Variants in NF1 observed in about 807,000 individuals in gnomAD.
NF1 encodes neurofibromin 1.
In NF1, 122 loss-of-function variants were observed where a neutral mutation model predicts 325.7. The ratio of observed to expected loss-of-function variants is 0.37; its 90% CI spans 0.32 to 0.44. NF1 has a LOEUF of 0.44. NF1 is among the 20% of genes least tolerant of loss of function. The probability of loss-of-function intolerance (pLI) is 1.00; values close to 1 mark genes in which losing one functional copy is unlikely to be tolerated. For synonymous variants in NF1, 1,091 were observed against 1,186.0 expected (o/e 0.92, Z 1.65); for missense variants, 2,140 against 3,415.4 (o/e 0.63, Z 9.31).
chr17:31,301,609 T>G (rs1022399935), intron 36 of NF1, among the ~76,000 whole-genome samples: 1 of 152,208 alleles, frequency 6.6e-6, no homozygotes, highest in African/African-American at 2.4e-5. Context: ...AGAAGACTTA[T>G]GTGATATATG....
At chr17:31,261,525 T>A (rs2067685773) in intron 34 of NF1, among the ~76,000 whole-genome samples, 186 bp from the exon 35 acceptor site, 1 of 152,240 alleles carries the variant, frequency 6.6e-6, no homozygotes, top group East Asian at 1.9e-4. Flanking sequence ...GGAGTTTAAA[T>A]GACAGGGCAT....
rs1295187457 is a variant in NF1 at position 31,374,228 on chromosome 17, C to G, written c.*73C>G. Reference sequence around the variant, plus strand: ...CTAGTGACCCCTTCCCTGTCCTTGCCCTTTCCCCCCATGTTGTAATGCTGC... The same window carrying G: ...CTAGTGACCCCTTCCCTGTCCTTGCGCTTTCCCCCCATGTTGTAATGCTGC... On this transcript the variant is annotated 3_prime_UTR_variant, in exon 58 of 58. Coordinates refer to ENST00000358273, the MANE Select transcript of NF1 (RefSeq NM_001042492.3). 3.8e-6 allele frequency: 6 copies of G among 1,590,188 alleles called. No homozygotes were observed. The highest frequency in any genetic ancestry group is 1.7e-6 in the Non-Finnish European group (2 of 1,159,686).
intron 36 of NF1, chr17:31,304,435 A>T: frequency 6.2e-7 from 1 of 1,614,172 alleles, no homozygotes; most frequent in East Asian, 2.2e-5. Flanking sequence ...AAATGATTGT[A>T]TTATCTCAGA....
At chr17:31,151,562 G>A (rs927662957) in intron 1 of NF1, among the ~76,000 whole-genome samples, 2 of 152,094 alleles carry the variant, frequency 1.3e-5, no homozygotes, top group African/African-American at 2.4e-5. Context: ...CTCCATGGAC[G>A]GTGAAATCTG....
chr17:31,181,801 A>ATTTTTTTTTTTTTTTTTTTTTTTTTTTT lies in NF1; in HGVS notation c.730+32_730+33insTTTTTTTTTTTTTTTTTTTTTTTTTTTT. On this transcript the variant is annotated intron_variant, in intron 7 of 57. Transcript: ENST00000358273. ...GATATGGCTGGTAAGGATACGATTG[A>ATTTTTTTTTTTTTTTTTTTTTTTTTTTT]TTTTTTTTTTTTTTTTGTCTTTTAA... 2 of 1,218,592 alleles carry ATTTTTTTTTTTTTTTTTTTTTTTTTTTT rather than the reference A, an allele frequency of 1.6e-6. No individual in the cohort carries two copies. The highest frequency in any genetic ancestry group is 2.3e-6 in the Non-Finnish European group (2 of 853,106). 75.5% of individuals were successfully genotyped at this position (1,218,592 alleles called of 1,614,324 possible).
intron 2 of NF1, among the ~76,000 whole-genome samples, chr17:31,158,141 C>G (rs1286907998): frequency 6.6e-6 from 1 of 152,134 alleles, no homozygotes; most frequent in East Asian, 1.9e-4. Context: ...ACTTTTTACT[C>G]TTTTTAGCTT....
chr17:31,140,766 G>A (rs1208556265), intron 1 of NF1, among the ~76,000 whole-genome samples: 3 of 152,128 alleles, frequency 2.0e-5, no homozygotes, highest in Middle Eastern at 3.2e-3. Context: ...ACAATGGAAC[G>A]TTATTCAGCC....
chr17:31,300,840 A>G (rs1011109167), intron 36 of NF1, among the ~76,000 whole-genome samples: 2 of 152,138 alleles, frequency 1.3e-5, no homozygotes, highest in Non-Finnish European at 2.9e-5. Context: ...TTTATTGTCC[A>G]TCTGATAGGC....
At chr17:31,206,471 A>G (rs2066625606) in intron 12 of NF1, 100 bp downstream of exon 12, 3 of 1,354,086 alleles carry the variant, frequency 2.2e-6, no homozygotes, top group Non-Finnish European at 3.2e-6. Context: ...TAGAGAATTG[A>G]ATGGGTCCTT....
intron 36 of NF1, among the ~76,000 whole-genome samples, chr17:31,315,756 C>G (rs1043794300): frequency 2.0e-5 from 3 of 152,108 alleles, no homozygotes; most frequent in Non-Finnish European, 4.4e-5. Flanking sequence ...AATGTGTTAA[C>G]CCATGCACTG....
chr17:31,230,231 A>G lies in NF1; in HGVS notation c.2991-29A>G, dbSNP rs1567849734. Reference sequence around the variant, plus strand: ...CCTTCTCTTTTGTCTATATCTGATAATTTTTTTATTGTTTCTATGTCTATA... The same window carrying G: ...CCTTCTCTTTTGTCTATATCTGATAGTTTTTTTATTGTTTCTATGTCTATA... On this transcript the variant is annotated intron_variant, in intron 22 of 57. Transcript: ENST00000358273. 2.5e-6 allele frequency: 4 copies of G among 1,610,146 alleles called. No homozygotes were observed. In the South Asian group the frequency reaches 4.4e-5, roughly 18 times the overall value.
intron 1 of NF1, among the ~76,000 whole-genome samples, chr17:31,100,656 G>A (rs2143205698): frequency 6.6e-6 from 1 of 152,232 alleles, no homozygotes; most frequent in South Asian, 2.1e-4. Flanking sequence ...TGCAACGTCT[G>A]CCTCCTGGGT....
Position 31,327,621 on chromosome 17 carries a change from C to CA in NF1, c.5391_5392insA (p.Gln1798ThrfsTer21). 6.2e-7 allele frequency: 1 copy of CA among 1,614,132 alleles called. No homozygotes were observed. Among genetic ancestry groups the CA allele is most frequent in the Non-Finnish European group, 8.5e-7 (1 of 1,180,024 alleles). ...AAGAAATCTGCCTAGTAGATGAGAA[C>CA]CAGTTCACCTTAACCATTGCAAACC... On this transcript the variant is annotated frameshift_variant, in exon 38 of 58. Transcript: ENST00000358273. LOFTEE classifies it high-confidence loss of function.
intron 1 of NF1, among the ~76,000 whole-genome samples, chr17:31,101,339 C>T (rs1157491451): frequency 1.3e-5 from 2 of 152,092 alleles, no homozygotes; most frequent in Non-Finnish European, 2.9e-5. Flanking sequence ...TTCTGCTATT[C>T]AGTGCCTTTG....
intron 57 of NF1, chr17:31,361,081 CAAAAAAAAAAAA>C (rs60249232): frequency 1.9e-4 from 9 of 46,546 alleles, no homozygotes; most frequent in South Asian, 2.3e-3. Context: ...CATACTATAT[CAAAAAAAAAAAA>C]AAAAAAAAAA....
At chr17:31,151,227 A>G (rs1916921787) in intron 1 of NF1, among the ~76,000 whole-genome samples, 1 of 152,112 alleles carries the variant, frequency 6.6e-6, no homozygotes, top group Non-Finnish European at 1.5e-5. Context: ...CATGCTGTAC[A>G]GTTTTGTACC....
Position 31,235,904 on chromosome 17 carries a change from G to C in NF1, c.3871-14G>C, listed in dbSNP as rs371895592. 1 of 1,610,250 alleles carries C rather than the reference G, an allele frequency of 6.2e-7. No homozygotes were observed. The highest frequency in any genetic ancestry group is 8.5e-7 in the Non-Finnish European group (1 of 1,176,702). On this transcript the variant is annotated splice_polypyrimidine_tract_variant and intron_variant, in intron 28 of 57. Coordinates refer to ENST00000358273, the MANE Select transcript of NF1 (RefSeq NM_001042492.3). ...GAGCAGGTATAATAAACTCCTATTC[G>C]TGCATTTCTGTAGGTATATGGTGCT... is the stretch of plus-strand genomic sequence containing the variant.
intron 36 of NF1, chr17:31,304,954 A>G (rs1214378195): frequency 3.1e-6 from 5 of 1,614,056 alleles, no homozygotes; most frequent in South Asian, 1.1e-5. Flanking sequence ...AATGATGATT[A>G]TAGCTACCAA....
At chr17:31,140,976 T>A (rs1348732835) in intron 1 of NF1, among the ~76,000 whole-genome samples, 11 of 152,162 alleles carry the variant, frequency 7.2e-5, no homozygotes, top group Admixed American at 2.0e-4. Flanking sequence ...GTTATATAGA[T>A]AATAAAATAG....
Sources: allele counts gnomAD v4.1 joint callset (sites outside exome capture counted in the v4.1 genomes callset), GRCh38; gene constraint gnomAD v4.1.1; transcripts MANE v1.5; gene names NCBI Gene and HGNC (gene_info 2026-07-23, HGNC 2026-07-21).